Variants in FSTL5 observed in about 807,000 individuals in gnomAD.
FSTL5 encodes the protein follistatin-related protein 5.
Under a neutral mutation model 89.1 loss-of-function variants are expected in FSTL5, and 62 were observed. The ratio of observed to expected loss-of-function variants is 0.70; its 90% confidence interval spans 0.57 to 0.86. The LOEUF (loss-of-function observed/expected upper bound fraction) is 0.86, where lower values mean the gene tolerates loss of function less well. Ranked by LOEUF, FSTL5 falls within the 40% of genes least tolerant of loss-of-function variation. The pLI is 0.00. For synonymous variants in FSTL5, 383 were observed against 346.2 expected (o/e 1.11, Z -1.18); for missense variants, 1,057 against 1,001.6 (o/e 1.06, Z -0.75).
At chr4:162,010,637 T>A (rs1483554) in intron 3 of FSTL5, among the ~76,000 whole-genome samples, 152,040 of 152,360 alleles carry the variant, frequency 1, 75,860 homozygotes, top group Non-Finnish European at 1. Context: ...AACCACTGTT[T>A]AATGTTATGT....
At chr4:161,437,401 C>T (rs561752294) in intron 15 of FSTL5, among the ~76,000 whole-genome samples, 402 of 151,834 alleles carry the variant, frequency 2.6e-3, no homozygotes, top group Non-Finnish European at 4.5e-3. Flanking sequence ...CCCGTCTCTA[C>T]TGAAAAATAC....
chr4:161,925,057 T>C (rs1422687977), intron 3 of FSTL5, among the ~76,000 whole-genome samples: 1 of 151,780 alleles, frequency 6.6e-6, no homozygotes, highest in Non-Finnish European at 1.5e-5. Flanking sequence ...CCTTATTGGG[T>C]TCTAGTTGTA....
At chr4:162,110,455 G>GA (rs201316155) in intron 2 of FSTL5, among the ~76,000 whole-genome samples, 3,864 of 151,104 alleles carry the variant, frequency 0.026, 152 homozygotes, top group African/African-American at 0.086. Flanking sequence ...ATTCCAAGGG[G>GA]AAAAAAAATC....
intron 3 of FSTL5, among the ~76,000 whole-genome samples, chr4:161,921,743 G>A (rs879330846): frequency 2.0e-5 from 3 of 151,980 alleles, no homozygotes; most frequent in African/African-American, 7.2e-5. Context: ...TAAATCCCTA[G>A]TTGCAAGCTT....
intron 4 of FSTL5, among the ~76,000 whole-genome samples, chr4:161,887,905 C>T (rs887439888): frequency 6.6e-6 from 1 of 152,132 alleles, no homozygotes; most frequent in African/African-American, 2.4e-5. Flanking sequence ...CAGGATTCAT[C>T]TAGTCCCCAT....
intron 6 of FSTL5, among the ~76,000 whole-genome samples, chr4:161,672,869 T>C (rs1047710293): frequency 2.6e-5 from 4 of 152,042 alleles, no homozygotes; most frequent in African/African-American, 9.7e-5. Flanking sequence ...TTTCTACAAA[T>C]GAATAGACTT....
intron 6 of FSTL5, among the ~76,000 whole-genome samples, chr4:161,715,134 G>A (rs1738931978): frequency 6.6e-6 from 1 of 152,014 alleles, no homozygotes; most frequent in Admixed American, 6.6e-5. Context: ...AGGGTGGTGA[G>A]GGAAAAGAAG....
intron 4 of FSTL5, among the ~76,000 whole-genome samples, chr4:161,778,496 C>T (rs1194179572): frequency 6.6e-6 from 1 of 152,166 alleles, no homozygotes; most frequent in South Asian, 2.1e-4. Context: ...ATCTGAATCT[C>T]ATTCTCTTTC....
intron 3 of FSTL5, among the ~76,000 whole-genome samples, chr4:162,030,197 AGT>A (rs1408895220): frequency 6.6e-6 from 1 of 152,048 alleles, no homozygotes; most frequent in Non-Finnish European, 1.5e-5. Flanking sequence ...TGAGATTACA[AGT>A]GTGAGCCACC....
chr4:161,829,741 A>G (rs1189462059), intron 4 of FSTL5, among the ~76,000 whole-genome samples: 2 of 152,116 alleles, frequency 1.3e-5, no homozygotes, highest in Admixed American at 1.3e-4. Flanking sequence ...GGTAAAGTAA[A>G]TGAACATAAT....
At chr4:161,760,450 G>T (rs1248624022) in intron 5 of FSTL5, among the ~76,000 whole-genome samples, 1 of 152,048 alleles carries the variant, frequency 6.6e-6, no homozygotes, top group Non-Finnish European at 1.5e-5. Flanking sequence ...AGAAAACAAA[G>T]ACTTCAAAAT....
At chr4:162,032,566 T>C (rs1035785035) in intron 3 of FSTL5, 2 of 152,194 alleles carry the variant, frequency 1.3e-5, no homozygotes, top group African/African-American at 4.8e-5. Flanking sequence ...GCATGTGTTT[T>C]TTATTCTTCA....
intron 3 of FSTL5, among the ~76,000 whole-genome samples, chr4:161,977,220 A>G (rs1735675101): frequency 2.0e-5 from 3 of 152,164 alleles, no homozygotes; most frequent in Admixed American, 2.0e-4. Context: ...AAACTTTATA[A>G]AGCAAAAAAT....
intron 8 of FSTL5, among the ~76,000 whole-genome samples, chr4:161,584,277 A>G (rs954909172): frequency 6.6e-6 from 1 of 152,204 alleles, no homozygotes; most frequent in African/African-American, 2.4e-5. Flanking sequence ...TGCAAAAAGG[A>G]CGTCCTCATG....
chr4:161,386,501 G>A lies in FSTL5; in HGVS notation c.1842-52C>T, dbSNP rs771584413. Reference sequence around the variant, plus strand: ...ACAGGAAGCAATGGAGTTTTTAGCCGTAAGAAAAAAACTAGATACAGGTGG... The same window carrying A: ...ACAGGAAGCAATGGAGTTTTTAGCCATAAGAAAAAAACTAGATACAGGTGG... On this transcript the variant is annotated intron_variant, in intron 15 of 15. Transcript: ENST00000306100. 8.5e-5 allele frequency: 113 copies of A among 1,334,198 alleles called. No homozygotes were observed. The highest frequency in any genetic ancestry group is 2.7e-4 in the Middle Eastern group (1 of 3,762). 82.6% of individuals were successfully genotyped at this position (1,334,198 alleles called of 1,614,324 possible). A position where few individuals can be genotyped will look rare whatever the true frequency, so the allele number is the denominator to read the frequency against.
At chr4:161,802,950 C>T (rs1302839823) in intron 4 of FSTL5, among the ~76,000 whole-genome samples, 1 of 151,838 alleles carries the variant, frequency 6.6e-6, no homozygotes, top group Non-Finnish European at 1.5e-5. Flanking sequence ...TGACAAGAAA[C>T]TACAGAAATA....
chr4:162,035,582 A>G (rs1407432273), intron 2 of FSTL5, among the ~76,000 whole-genome samples: 1 of 152,064 alleles, frequency 6.6e-6, no homozygotes, highest in East Asian at 1.9e-4. Flanking sequence ...CAGTAATAGG[A>G]GCCAGACAGA....
chr4:161,779,183 A>C (rs941294676), intron 4 of FSTL5, among the ~76,000 whole-genome samples: 2 of 151,968 alleles, frequency 1.3e-5, no homozygotes, highest in African/African-American at 2.4e-5. Flanking sequence ...TCATCATAAC[A>C]CTCTCATTAA....
chr4:162,061,110 G>A (rs1404411284), intron 2 of FSTL5, among the ~76,000 whole-genome samples: 5 of 151,684 alleles, frequency 3.3e-5, no homozygotes. Context: ...ATGTATGTTG[G>A]CTGTGTTATT....
Sources: allele counts gnomAD v4.1 joint callset (sites outside exome capture counted in the v4.1 genomes callset), GRCh38; gene constraint gnomAD v4.1.1; transcripts MANE v1.5; gene names NCBI Gene and HGNC (gene_info 2026-07-23, HGNC 2026-07-21).